The following LINGO1 variants were observed in gnomAD, a reference collection of about 807,000 sequenced individuals.
The protein encoded by LINGO1 is leucine-rich repeat and immunoglobulin-like domain-containing nogo receptor-interacting protein 1.
Under a neutral mutation model 37.3 loss-of-function variants are expected in LINGO1, and 11 were observed. The observed-to-expected ratio is 0.29, with a 90% CI of 0.19 to 0.49. LINGO1 has a LOEUF of 0.49. Among genes scored for constraint, LINGO1 ranks in the 20% least tolerant of loss-of-function variants. The pLI, the probability that LINGO1 is intolerant of heterozygous loss-of-function variation, is 0.99. For missense variants in LINGO1, 585 were observed against 878.2 expected (o/e 0.67, Z 4.22); for synonymous variants, 387 against 403.0 (o/e 0.96, Z 0.48).
chr15:77,808,199 C>T (rs1426858573), intron 1 of LINGO1, among the ~76,000 whole-genome samples: 2 of 152,174 alleles, frequency 1.3e-5, no homozygotes, highest in Non-Finnish European at 2.9e-5. Flanking sequence ...GAACATCCAC[C>T]ACTGCAGGCT....
At chr15:77,809,586 C>G (rs1346932591) in intron 1 of LINGO1, among the ~76,000 whole-genome samples, 1 of 152,200 alleles carries the variant, frequency 6.6e-6, no homozygotes, top group African/African-American at 2.4e-5. Flanking sequence ...GTGCCCTCCC[C>G]CAACCCCCAC....
intron 1 of LINGO1, among the ~76,000 whole-genome samples, chr15:77,737,734 T>C (rs2076217230): frequency 1.3e-5 from 2 of 152,184 alleles, no homozygotes; most frequent in Admixed American, 6.5e-5. Flanking sequence ...ACATGGCTGA[T>C]TGCTTTCTCC....
chr15:77,719,676 G>C (rs1231140957), intron 2 of LINGO1, among the ~76,000 whole-genome samples: 2 of 149,956 alleles, frequency 1.3e-5, no homozygotes, highest in African/African-American at 4.9e-5. Flanking sequence ...TCTGTGGCTA[G>C]AACACATACA....
chr15:77,774,335 T>A (rs967456828), intron 1 of LINGO1, among the ~76,000 whole-genome samples: 1 of 152,036 alleles, frequency 6.6e-6, no homozygotes, highest in Non-Finnish European at 1.5e-5. Context: ...CTCAGCCCTC[T>A]GCCCACCTCT....
intron 1 of LINGO1, among the ~76,000 whole-genome samples, chr15:77,738,380 T>C (rs1038378323): frequency 6.6e-6 from 1 of 152,116 alleles, no homozygotes; most frequent in Admixed American, 6.5e-5. Flanking sequence ...TCAGAAATCA[T>C]CTTCCACCAT....
At chr15:77,674,186 A>G (rs1006998043) in intron 3 of LINGO1, among the ~76,000 whole-genome samples, 3 of 151,600 alleles carry the variant, frequency 2.0e-5, no homozygotes, top group Non-Finnish European at 4.4e-5. Context: ...TCTCTCACAC[A>G]CCACCTCATC....
intron 1 of LINGO1, among the ~76,000 whole-genome samples, chr15:77,808,004 G>C (rs1231708876): frequency 2.0e-5 from 3 of 152,112 alleles, no homozygotes; most frequent in East Asian, 1.9e-4. Context: ...GCAGGGAATG[G>C]GGTGGAAAAA....
chr15:77,690,886 C>G (rs950999271), exon 2 of LINGO1: 1 of 152,278 alleles, frequency 6.6e-6, no homozygotes, highest in Non-Finnish European at 1.5e-5. Flanking sequence ...GTAGCCAGGT[C>G]ATGGTCATAA....
intron 1 of LINGO1, among the ~76,000 whole-genome samples, chr15:77,806,632 GA>G (rs1187583142): frequency 1.3e-5 from 2 of 152,112 alleles, no homozygotes; most frequent in African/African-American, 2.4e-5. Flanking sequence ...AAAAGAGAAT[GA>G]AGCAAACCCG....
intron 1 of LINGO1, among the ~76,000 whole-genome samples, chr15:77,776,546 G>GCAGGAAAGC (rs1567577919): frequency 4.6e-5 from 2 of 43,842 alleles, no homozygotes; most frequent in Admixed American, 2.7e-4. Flanking sequence ...GGGAGGGAGG[G>GCAGGAAAGC]AGGGAGGGAG....
At chr15:77,622,038 G>A (rs147519359) in intron 1 of LINGO1, among the ~76,000 whole-genome samples, 4 of 152,328 alleles carry the variant, frequency 2.6e-5, no homozygotes, top group South Asian at 2.1e-4. Context: ...GTGGGTGTGC[G>A]CGGTCCTCGT....
chr15:77,787,486 G>A (rs1223473408), upstream of LINGO1, among the ~76,000 whole-genome samples: 5 of 151,834 alleles, frequency 3.3e-5, no homozygotes, highest in Non-Finnish European at 5.9e-5. Flanking sequence ...ACAGGGTGTG[G>A]GCCAGAAGGA....
At chr15:77,787,557 T>C (rs1310404634), upstream of LINGO1, among the ~76,000 whole-genome samples, 3 of 151,028 alleles carry the variant, frequency 2.0e-5, no homozygotes, top group Non-Finnish European at 3.0e-5. Context: ...TGGAGGGGGC[T>C]TCAGGGCTGT....
chr15:77,736,672 G>A (rs2076206857), intron 1 of LINGO1, among the ~76,000 whole-genome samples: 1 of 152,200 alleles, frequency 6.6e-6, no homozygotes, highest in Non-Finnish European at 1.5e-5. Flanking sequence ...TACTCAGGAG[G>A]CTGAGGCAGG....
At chr15:77,761,093 ATT>A (rs111468790) in intron 1 of LINGO1, among the ~76,000 whole-genome samples, 5 of 140,646 alleles carry the variant, frequency 3.6e-5, no homozygotes, top group South Asian at 2.3e-4. Flanking sequence ...TGCCTGGCTA[ATT>A]TTTTTTTTTT....
At chr15:77,815,592 C>T (rs2077041100) in intron 1 of LINGO1, among the ~76,000 whole-genome samples, 1 of 152,156 alleles carries the variant, frequency 6.6e-6, no homozygotes, top group South Asian at 2.1e-4. Flanking sequence ...TACTGAAGTG[C>T]ACACAGTGGC....
rs968265160 is a variant in LINGO1 at position 77,613,779 on chromosome 15, G to T, written c.*265C>A. The T allele has an allele frequency of 1.1e-5, 5 of 465,736 alleles. No homozygotes were observed. Among genetic ancestry groups the T allele is most frequent in the African/African-American group, 9.6e-5 (5 of 52,312 alleles). 28.9% of individuals were successfully genotyped at this position (465,736 alleles called of 1,614,324 possible). A position where few individuals can be genotyped will look rare whatever the true frequency, so the allele number is the denominator to read the frequency against. On this transcript the variant is annotated 3_prime_UTR_variant, in exon 2 of 2. Transcript: ENST00000355300. ...TTTTTATTGAATTATTGACTCTGCC[G>T]CGTGTCGGTTCGTCGGCTTTCAACT...
At chr15:77,760,233 G>T (rs1253138813) in intron 1 of LINGO1, among the ~76,000 whole-genome samples, 1 of 152,158 alleles carries the variant, frequency 6.6e-6, no homozygotes, top group Non-Finnish European at 1.5e-5. Flanking sequence ...ACATCTAACA[G>T]CCCAGGCTGA....
At chr15:77,691,691 G>T (rs141922591) in intron 1 of LINGO1, among the ~76,000 whole-genome samples, 34 of 152,126 alleles carry the variant, frequency 2.2e-4, no homozygotes, top group Middle Eastern at 3.4e-3. Context: ...ATAACAGCAA[G>T]ACACTGCAGG....
Sources: allele counts gnomAD v4.1 joint callset (sites outside exome capture counted in the v4.1 genomes callset), GRCh38; gene constraint gnomAD v4.1.1; transcripts MANE v1.5; gene names NCBI Gene and HGNC (gene_info 2026-07-23, HGNC 2026-07-21).